Variants in DIAPH3 observed in about 807,000 individuals in gnomAD.
DIAPH3 encodes diaphanous related formin 3, also known as protein diaphanous homolog 3.
In DIAPH3, 117 loss-of-function variants were observed where a neutral mutation model predicts 144.3. The observed-to-expected ratio is 0.81, with a 90% confidence interval of 0.70 to 0.95. The LOEUF (loss-of-function observed/expected upper bound fraction) is 0.95. DIAPH3 is among the 40% of genes least tolerant of loss of function. The pLI is 0.00. For synonymous variants in DIAPH3, 519 were observed against 488.9 expected, an observed-to-expected ratio of 1.06 and a Z score of -0.81; for missense variants, 1,421 against 1,412.7, an observed-to-expected ratio of 1.01 and a Z score of -0.09.
chr13:60,025,578 A>G (rs2054324335), intron 5 of DIAPH3, among the ~76,000 whole-genome samples: 1 of 151,996 alleles, frequency 6.6e-6, no homozygotes, highest in South Asian at 2.1e-4. Flanking sequence ...AATCCAAAGG[A>G]AAGAAGAAGT....
intron 12 of DIAPH3, among the ~76,000 whole-genome samples, chr13:59,985,102 C>T (rs1283543595): frequency 1.4e-5 from 2 of 141,002 alleles, no homozygotes; most frequent in Non-Finnish European, 3.1e-5. Context: ...AATCCAGCAG[C>T]ACATCAAAAA....
rs2137913690 is a variant in DIAPH3, at chr13:60,093,870, C to CT, written c.391-139dup. On this transcript the variant is annotated intron_variant, in intron 3 of 27. Coordinates refer to ENST00000400324, the MANE Select transcript of DIAPH3 (RefSeq NM_001042517.2). ...TGGAATGATTTACGTGTAGTTCTGC[C>CT]TGAAGGAAGGAGAGAGAAAAGAGGT... 3 of 657,922 alleles carry CT rather than the reference C, an allele frequency of 4.6e-6. No individual in the cohort carries two copies. The South Asian group carries it at 5.2e-5, about 11-fold the overall frequency. 40.8% of individuals were successfully genotyped at this position (657,922 alleles called of 1,614,324 possible). A position where few individuals can be genotyped will look rare whatever the true frequency, so the allele number is the denominator to read the frequency against.
At chr13:59,909,342 GT>G (rs60579690) in intron 20 of DIAPH3, among the ~76,000 whole-genome samples, 527 of 126,708 alleles carry the variant, frequency 4.2e-3, no homozygotes, top group African/African-American at 7.0e-3. Context: ...CCAGTATTTT[GT>G]TTTTTTTTTT....
rs114870231 is a variant in DIAPH3 at position 59,677,468 on chromosome 13, A to C, written c.3320-10622T>G. ...TTAATAATATATTTTATTTAATCCA[A>C]TGTCAAATATTATCACTTTGACATA... On this transcript the variant is annotated intron_variant, in intron 27 of 27. Transcript: ENST00000400324. Among the ~76,000 whole-genome samples, 935 of 152,304 alleles carry C rather than the reference A, an allele frequency of 6.1e-3. 8 individuals carry two copies. Among genetic ancestry groups the C allele is most frequent in the African/African-American group, 0.021 (888 of 41,576 alleles).
intron 17 of DIAPH3, among the ~76,000 whole-genome samples, chr13:59,958,867 CTTTTTTTTTTTT>C (rs932649097): frequency 2.1e-5 from 2 of 94,344 alleles, no homozygotes; most frequent in South Asian, 8.0e-4. Context: ...CTTCAATAAA[CTTTTTTTTTTTT>C]TTTTTTTTTT....
chr13:59,730,331 A>C (rs187868878), intron 27 of DIAPH3, among the ~76,000 whole-genome samples: 74 of 152,292 alleles, frequency 4.9e-4, no homozygotes, highest in African/African-American at 1.7e-3. Context: ...CTACCAGTAG[A>C]ATAATTTTAC....
At position 59,752,398 on chromosome 13, in the gene DIAPH3, C is replaced by T. The variant is rs976501895; in HGVS notation, c.3319+21791G>A. ...TTTTTTTTTTTTTGAGACACAGTCT[C>T]GCTCTGTCACCTAGGCTGGAGAGCA... On this transcript the variant is annotated intron_variant, in intron 27 of 27. Transcript: ENST00000400324. 2.0e-5 allele frequency among the ~76,000 whole-genome samples: 3 copies of T among 147,666 alleles called. No homozygotes were observed. In the East Asian group the frequency reaches 5.9e-4, roughly 29 times the overall value.
At chr13:59,688,673 C>A (rs915206587) in intron 27 of DIAPH3, among the ~76,000 whole-genome samples, 3 of 151,942 alleles carry the variant, frequency 2.0e-5, no homozygotes, top group Admixed American at 1.3e-4. Flanking sequence ...GAGTGAGGTC[C>A]ACCTAGAGAT....
chr13:59,692,284 A>G (rs997063311), intron 27 of DIAPH3, among the ~76,000 whole-genome samples: 1 of 151,994 alleles, frequency 6.6e-6, no homozygotes, highest in African/African-American at 2.4e-5. Context: ...GAGGGCTAAT[A>G]AGAGGTATGA....
At chr13:59,934,775 C>T (rs1443794227) in intron 17 of DIAPH3, among the ~76,000 whole-genome samples, 1 of 152,130 alleles carries the variant, frequency 6.6e-6, no homozygotes, top group African/African-American at 2.4e-5. Flanking sequence ...CAGGAACTGA[C>T]CACCACACAG....
intron 17 of DIAPH3, among the ~76,000 whole-genome samples, chr13:59,963,392 T>C (rs1044262598): frequency 6.6e-6 from 1 of 152,186 alleles, no homozygotes; most frequent in East Asian, 1.9e-4. Context: ...TATACTATAC[T>C]GTTTAACATC....
intron 27 of DIAPH3, among the ~76,000 whole-genome samples, chr13:59,670,277 C>T (rs1947963218): frequency 6.6e-6 from 1 of 151,640 alleles, no homozygotes; most frequent in Non-Finnish European, 1.5e-5. Context: ...CCTGAGACCA[C>T]TGAAGAAATA....
At chr13:59,950,827 A>G (rs1421271035) in intron 17 of DIAPH3, among the ~76,000 whole-genome samples, 1 of 152,052 alleles carries the variant, frequency 6.6e-6, no homozygotes, top group Non-Finnish European at 1.5e-5. Context: ...TGTGGAAATA[A>G]CTATATATAT....
chr13:59,683,937 T>C (rs1217118985), intron 27 of DIAPH3, among the ~76,000 whole-genome samples: 4 of 152,124 alleles, frequency 2.6e-5, no homozygotes, highest in African/African-American at 7.2e-5. Flanking sequence ...CTACCACTTA[T>C]ATAATGTGCC....
intron 27 of DIAPH3, among the ~76,000 whole-genome samples, chr13:59,705,439 T>C (rs2034364188): frequency 6.6e-6 from 1 of 152,210 alleles, no homozygotes; most frequent in African/African-American, 2.4e-5. Flanking sequence ...GCAAAAATTT[T>C]TCCCCCTGAA....
chr13:60,117,023 G>T (rs12584428), intron 2 of DIAPH3, among the ~76,000 whole-genome samples: 5,667 of 152,040 alleles, frequency 0.037, 170 homozygotes, highest in East Asian at 0.1. Flanking sequence ...CGATTTCATA[G>T]TATTGAGCTC....
intron 4 of DIAPH3, among the ~76,000 whole-genome samples, chr13:60,062,708 A>C (rs1364010754): frequency 1.3e-5 from 2 of 152,220 alleles, no homozygotes; most frequent in Non-Finnish European, 2.9e-5. Context: ...AGATATTACA[A>C]AAAGTGAGTC....
At chr13:59,761,183 AAACT>A (rs995593916) in intron 27 of DIAPH3, among the ~76,000 whole-genome samples, 5 of 152,170 alleles carry the variant, frequency 3.3e-5, no homozygotes, top group African/African-American at 1.2e-4. Context: ...ACGAAATAAC[AAACT>A]GTCTAACCAT....
At chr13:59,860,818 A>T (rs2043534587) in intron 22 of DIAPH3, among the ~76,000 whole-genome samples, 1 of 152,180 alleles carries the variant, frequency 6.6e-6, no homozygotes, top group Non-Finnish European at 1.5e-5. Flanking sequence ...TCATATTATA[A>T]CCAAGTATTA....
Sources: allele counts gnomAD v4.1 joint callset (sites outside exome capture counted in the v4.1 genomes callset), GRCh38; gene constraint gnomAD v4.1.1; transcripts MANE v1.5; gene names NCBI Gene and HGNC (gene_info 2026-07-23, HGNC 2026-07-21).